NUMBL: variants seen among roughly 807,000 people sequenced by gnomAD.
NUMBL encodes NUMB like endocytic adaptor protein.
Under a neutral mutation model 48.9 loss-of-function variants are expected in NUMBL, and 20 were observed. The ratio of observed to expected loss-of-function variants is 0.41; its 90% CI spans 0.29 to 0.59. The LOEUF (loss-of-function observed/expected upper bound fraction) is 0.59, where lower values mean the gene tolerates loss of function less well. NUMBL is among the 20% of genes least tolerant of loss of function. The pLI is 0.31. For missense variants in NUMBL, 660 were observed against 846.2 expected, an observed-to-expected ratio of 0.78 and a Z score of 2.73; for synonymous variants, 340 against 348.7, an observed-to-expected ratio of 0.98 and a Z score of 0.28.
At chr19:40,684,218 G>A (rs2144664977) in intron 3 of NUMBL, 199 bp downstream of exon 3, 2 of 569,940 alleles carry the variant, frequency 3.5e-6, no homozygotes, top group Non-Finnish European at 6.0e-6. Flanking sequence ...ACAGGCGCCC[G>A]CCACCACGCG....
rs1226125156 is a variant in NUMBL, at chr19:40,675,938, T to A, written c.730+1294A>T. Among the ~76,000 whole-genome samples, 3 of 152,132 alleles carry A rather than the reference T, an allele frequency of 2.0e-5. 1 individual carries two copies. In the East Asian group the frequency reaches 5.8e-4, roughly 29 times the overall value. On this transcript the variant is annotated intron_variant, in intron 7 of 9. Transcript: ENST00000252891. Reference sequence around the variant, plus strand: ...TGGAGTGTGGTGGTGCAATCGCAGCTCTCTGCAGCCTCTACCTCCTGGGCC... The same window carrying A: ...TGGAGTGTGGTGGTGCAATCGCAGCACTCTGCAGCCTCTACCTCCTGGGCC...
Position 40,686,925 on chromosome 19 carries a change from C to T in NUMBL, c.95G>A (p.Cys32Tyr). ...PCGAPGPPET[C>Y]RTEPDGAGTM... ...TGGTCGCTCACCTGGCTCCGTCCTG[C>T]AGGTTTCTGGGGGCCCCGGGGCCCC... The change falls in exon 2 of 10, where the codon TGC (cysteine) becomes TAC (tyrosine). Residue 32 changes from cysteine to tyrosine, a missense_variant. This residue lies in a region of NUMBL where 86 missense variants were observed against 85.9 expected (regional missense o/e 1.00). Transcript: ENST00000252891. 1.9e-6 allele frequency: 3 copies of T among 1,544,524 alleles called. No individual in the cohort carries two copies. The Admixed American group carries it at 5.9e-5, about 30-fold the overall frequency.
intron 9 of NUMBL, among the ~76,000 whole-genome samples, chr19:40,669,486 G>A (rs1053502023): frequency 2.6e-5 from 4 of 151,590 alleles, no homozygotes; most frequent in Non-Finnish European, 5.9e-5. Flanking sequence ...GATGAACCAC[G>A]GATCTAGGAT....
At chr19:40,678,766 T>A (rs938068387) in intron 6 of NUMBL, among the ~76,000 whole-genome samples, 7 of 152,104 alleles carry the variant, frequency 4.6e-5, no homozygotes, top group Admixed American at 4.6e-4. Flanking sequence ...ATGGTGTGCA[T>A]GCTGAAGTAG....
chr19:40,682,196 C>T lies in NUMBL; in HGVS notation c.399+532G>A, dbSNP rs779800559. ...GGCTGGAGTGCAATGGCATGATCTC[C>T]GCTCACCGCAACCTCCAAGTCTCGG... On this transcript the variant is annotated intron_variant, in intron 5 of 9. Transcript: ENST00000252891. This position sits in a 1 kb window ranked among gnomAD's most constrained non-coding sequence, Gnocchi z 4.0. 3.3e-5 allele frequency among the ~76,000 whole-genome samples: 5 copies of T among 151,888 alleles called. No homozygotes were observed. The highest frequency in any genetic ancestry group is 7.4e-5 in the Non-Finnish European group (5 of 67,976).
Position 40,667,426 on chromosome 19 carries a change from G to A in NUMBL, c.*42C>T, listed in dbSNP as rs1278988426. The A allele has an allele frequency of 1.8e-5, 29 of 1,590,362 alleles. No individual in the cohort carries two copies. The East Asian group carries it at 3.4e-4, about 19-fold the overall frequency. On this transcript the variant is annotated 3_prime_UTR_variant, in exon 10 of 10. Coordinates refer to ENST00000252891, the MANE Select transcript of NUMBL (RefSeq NM_004756.5). This position sits in a 1 kb window ranked among gnomAD's most constrained non-coding sequence, Gnocchi z 6.1. ...AGAGGTTGTGCCTCCACCCCCAGGC[G>A]TGGGGCACCTGGAGATGATGGAGTG...
At chr19:40,689,231 G>A (rs2081949612) in intron 1 of NUMBL, among the ~76,000 whole-genome samples, 2 of 151,902 alleles carry the variant, frequency 1.3e-5, no homozygotes, top group South Asian at 2.1e-4. Context: ...TATAGTTACC[G>A]AGGCATACAA....
At chr19:40,684,149 A>G (rs1316819373) in intron 3 of NUMBL, 4 of 377,534 alleles carry the variant, frequency 1.1e-5, no homozygotes, top group Non-Finnish European at 4.8e-6. Context: ...GCTCACTGCA[A>G]TCTCCGCCTC....
In NUMBL at chr19:40,668,056, C is replaced by T. The variant is rs1202590493; in HGVS notation, c.1242G>A (p.Glu414=). Residue 414 remains glutamate, a synonymous_variant, in exon 10 of 10, where the codon GAG becomes GAA. Coordinates refer to ENST00000252891, the MANE Select transcript of NUMBL (RefSeq NM_004756.5). ...PGHKRTPSEA[E]RWLEEVSQVA... is the part of the protein sequence containing the mutation. ...CCTGTGACACCTCCTCCAGCCATCGCTCAGCCTCTGAAGGTGTCCGCTTGT... is the reference window on the plus strand; with the variant it reads ...CCTGTGACACCTCCTCCAGCCATCGTTCAGCCTCTGAAGGTGTCCGCTTGT... 1 of 1,591,824 alleles carries T rather than the reference C, an allele frequency of 6.3e-7. No homozygotes were observed. Among genetic ancestry groups the T allele is most frequent in the Non-Finnish European group, 8.5e-7 (1 of 1,169,884 alleles).
intron 6 of NUMBL, among the ~76,000 whole-genome samples, chr19:40,679,577 C>T (rs563830687): frequency 5.3e-5 from 8 of 152,064 alleles, no homozygotes; most frequent in Non-Finnish European, 1.0e-4. Flanking sequence ...ACTTGGGAGA[C>T]TGAGACAGGA....
At chr19:40,675,343 TC>T (rs2081869911) in intron 7 of NUMBL, among the ~76,000 whole-genome samples, 2 of 151,570 alleles carry the variant, frequency 1.3e-5, no homozygotes, top group Admixed American at 1.3e-4. Flanking sequence ...TTCTTTTTTT[TC>T]CCCTTACAAT....
rs1324094360 is a variant in NUMBL at position 40,667,531 on chromosome 19, A to G, written c.1767T>C (p.Thr589=). Residue 589 remains threonine (T), a synonymous_variant, in exon 10 of 10, where the codon ACT becomes ACC. Coordinates refer to ENST00000252891, the MANE Select transcript of NUMBL (RefSeq NM_004756.5). This position sits in a 1 kb window ranked among gnomAD's most constrained non-coding sequence, Gnocchi z 6.1. The part of the protein sequence containing the change: ...AQWAALEGKA[T]VEKPSNPFSG... ...AAAAGGGGTTGGAGGGTTTCTCTAC[A>G]GTGGCTTTGCCTTCTAATGCCGCCC... 6.3e-7 allele frequency: 1 copy of G among 1,579,638 alleles called. No individual in the cohort carries two copies. Among genetic ancestry groups the G allele is most frequent in the Admixed American group, 1.9e-5 (1 of 53,930 alleles).
intron 3 of NUMBL, 157 bp from the exon 4 acceptor site, chr19:40,683,125 C>T: frequency 1.4e-6 from 1 of 701,308 alleles, no homozygotes; most frequent in Non-Finnish European, 2.5e-6. Flanking sequence ...AGGTGGAGAC[C>T]CCATTCCTGG....
intron 7 of NUMBL, among the ~76,000 whole-genome samples, chr19:40,675,350 A>G (rs189052641): frequency 7.6e-4 from 115 of 151,752 alleles, no homozygotes; most frequent in African/African-American, 2.7e-3. Flanking sequence ...TTTTCCCCTT[A>G]CAATCCAGGA....
intron 6 of NUMBL, among the ~76,000 whole-genome samples, chr19:40,678,276 C>T (rs2081888491): frequency 6.6e-6 from 1 of 152,172 alleles, no homozygotes; most frequent in African/African-American, 2.4e-5. Context: ...GATTCTCCTG[C>T]CTCAGCCTCT....
intron 3 of NUMBL, among the ~76,000 whole-genome samples, chr19:40,683,451 AAC>A (rs2081916100): frequency 6.6e-6 from 1 of 152,158 alleles, no homozygotes; most frequent in Non-Finnish European, 1.5e-5. Context: ...CAGTTTTAAT[AAC>A]ACACCCTTTA....
In NUMBL at chr19:40,673,316, G is replaced by A. The variant is rs1309376618; in HGVS notation, c.1036+28C>T. 7.6e-6 allele frequency: 12 copies of A among 1,576,396 alleles called. No homozygotes were observed. The highest frequency in any genetic ancestry group is 1.4e-5 in the African/African-American group (1 of 73,850). Reference sequence around the variant, plus strand: ...TCAGATAGTGCCAATTGATTCCAACGCCGTTTCCCACTGGGCCCAGGGCTC... The same window carrying A: ...TCAGATAGTGCCAATTGATTCCAACACCGTTTCCCACTGGGCCCAGGGCTC... On this transcript the variant is annotated intron_variant, in intron 8 of 9. Coordinates refer to ENST00000252891, the MANE Select transcript of NUMBL (RefSeq NM_004756.5). This position sits in a 1 kb window ranked among gnomAD's most constrained non-coding sequence, Gnocchi z 5.9.
At chr19:40,675,142 C>CAAAAAAAAAAA (rs71334931) in intron 7 of NUMBL, among the ~76,000 whole-genome samples, 1 of 29,798 alleles carries the variant, frequency 3.4e-5, no homozygotes, top group African/African-American at 1.2e-4. Context: ...GACTCTGTCT[C>CAAAAAAAAAAA]AAAAAAAAAA....
Position 40,667,148 on chromosome 19 carries a change from A to C in NUMBL, c.*320T>G. On this transcript the variant is annotated 3_prime_UTR_variant, in exon 10 of 10. Coordinates refer to ENST00000252891, the MANE Select transcript of NUMBL (RefSeq NM_004756.5). The surrounding 1 kb of genome is among the most constrained non-coding windows in gnomAD (Gnocchi z 6.1). ...AGGTGGGGGTCAACAGAAACTGGGA[A>C]ATGGAGTGTGAACCAAGGGCATTCA... 2.9e-6 allele frequency: 1 copy of C among 341,986 alleles called. No individual in the cohort carries two copies. The highest frequency in any genetic ancestry group is 5.5e-6 in the Non-Finnish European group (1 of 181,088). 21.2% of individuals were successfully genotyped at this position (341,986 alleles called of 1,614,324 possible).
Sources: gnomAD v4.1 joint callset for allele counts (sites outside exome capture counted in the v4.1 genomes callset) on GRCh38, gnomAD v4.1.1 for gene constraint, gnomAD v4.1.1 regional missense constraint, Gnocchi (gnomAD v3.1) non-coding constraint, MANE v1.5 for transcripts, NCBI Gene and HGNC (gene_info 2026-07-23, HGNC 2026-07-21) for gene names.